The following TUSC3 variants were observed in gnomAD, a reference collection of about 807,000 sequenced individuals.
TUSC3 encodes the protein tumor suppressor candidate 3, also known as dolichyl-diphosphooligosaccharide--protein glycosyltransferase subunit TUSC3.
TUSC3 carries 45 observed loss-of-function variants against 44.8 expected under a neutral mutation model. The ratio of observed to expected loss-of-function variants is 1.00; its 90% confidence interval spans 0.79 to 1.29. TUSC3 has a LOEUF of 1.29. Among genes scored for constraint, TUSC3 ranks in the 50% most tolerant of loss-of-function variants. TUSC3 has a pLI of 0.00. For synonymous variants in TUSC3, 212 were observed against 152.9 expected (o/e 1.39, Z -2.85); for missense variants, 519 against 437.9 (o/e 1.19, Z -1.65).
chr8:15,421,878 TG>T (rs1799742424), intron 1 of TUSC3, among the ~76,000 whole-genome samples: 1 of 152,216 alleles, frequency 6.6e-6, no homozygotes, highest in African/African-American at 2.4e-5. Context: ...TTTCTTAAAA[TG>T]GAATGTAATA....
At chr8:15,428,556 C>A (rs1381324139) in intron 1 of TUSC3, among the ~76,000 whole-genome samples, 4 of 152,186 alleles carry the variant, frequency 2.6e-5, no homozygotes, top group Non-Finnish European at 2.9e-5. Context: ...CCGACTTCCA[C>A]AATGGCTGAA....
chr8:15,496,302 C>T (rs1282424613), intron 2 of TUSC3, among the ~76,000 whole-genome samples: 2 of 152,198 alleles, frequency 1.3e-5, no homozygotes, highest in African/African-American at 2.4e-5. Flanking sequence ...CAATATCTGG[C>T]ACTCCAGTTT....
the TUSC3 span, among the ~76,000 whole-genome samples, chr8:15,823,132 G>T: frequency 6.6e-6 from 1 of 152,014 alleles, no homozygotes; most frequent in African/African-American, 2.4e-5. Context: ...TTTGCTTATG[G>T]TATCAGTCTT....
At position 15,744,350 on chromosome 8, in the gene TUSC3, G is replaced by A. The variant is rs2721221; in HGVS notation, c.937+738G>A. Among the ~76,000 whole-genome samples, 64 of 152,246 alleles carry A rather than the reference G, an allele frequency of 4.2e-4. No individual in the cohort carries two copies. In the East Asian group the frequency reaches 0.011, roughly 27 times the overall value. ...AATGTGCTCTGAGGAGCAAAGGACA[G>A]TCGATTGTTTCCTGCCACAGACCTT... On this transcript the variant is annotated intron_variant, in intron 8 of 10. Coordinates refer to ENST00000503731, the MANE Select transcript of TUSC3 (RefSeq NM_006765.4).
the TUSC3 span, among the ~76,000 whole-genome samples, chr8:15,843,696 A>G: frequency 2.0e-5 from 3 of 151,604 alleles, no homozygotes; most frequent in East Asian, 3.9e-4. Flanking sequence ...GTGTATATCT[A>G]TATCTAAATA....
chr8:15,849,723 A>G, the TUSC3 span, among the ~76,000 whole-genome samples: 1 of 152,116 alleles, frequency 6.6e-6, no homozygotes, highest in African/African-American at 2.4e-5. Flanking sequence ...AGACCAGGGT[A>G]GTGCCTATCA....
intron 9 of TUSC3, among the ~76,000 whole-genome samples, chr8:15,756,269 C>T (rs1034444779): frequency 6.6e-6 from 1 of 151,904 alleles, no homozygotes; most frequent in African/African-American, 2.4e-5. Flanking sequence ...CTCTAGTTAC[C>T]TCTCTCTCTA....
intron 1 of TUSC3, among the ~76,000 whole-genome samples, chr8:15,611,453 C>G (rs1460183192): frequency 6.6e-6 from 1 of 152,164 alleles, no homozygotes; most frequent in Non-Finnish European, 1.5e-5. Flanking sequence ...TCCCAAAGTG[C>G]TGGGATTACA....
chr8:15,460,859 G>A (rs1006147869), intron 1 of TUSC3, among the ~76,000 whole-genome samples: 4 of 152,014 alleles, frequency 2.6e-5, no homozygotes, highest in Non-Finnish European at 5.9e-5. Flanking sequence ...TTTATTTCTG[G>A]GTTCTCTATT....
At chr8:15,792,378 C>T in the TUSC3 span, among the ~76,000 whole-genome samples, 1 of 152,040 alleles carries the variant, frequency 6.6e-6, no homozygotes, top group East Asian at 1.9e-4. Flanking sequence ...TGGCCACTTT[C>T]GAGTGGCAAA....
At chr8:15,673,704 A>G (rs977992470) in intron 5 of TUSC3, 43 bp from the exon 6 acceptor site, 4 of 1,423,704 alleles carry the variant, frequency 2.8e-6, no homozygotes, top group African/African-American at 2.8e-5. Context: ...TTATTCTGGT[A>G]TTCTCTGGTT....
chr8:15,613,692 A>G (rs148325318), intron 1 of TUSC3, among the ~76,000 whole-genome samples: 2 of 152,278 alleles, frequency 1.3e-5, no homozygotes, highest in Non-Finnish European at 2.9e-5. Context: ...AGCAGTGTGA[A>G]AACAGACTAA....
At chr8:15,611,334 C>T (rs1010070875) in intron 1 of TUSC3, among the ~76,000 whole-genome samples, 2 of 152,082 alleles carry the variant, frequency 1.3e-5, no homozygotes, top group African/African-American at 4.8e-5. Context: ...TTACAGGCAC[C>T]TGCCACACAT....
At chr8:15,809,878 C>T in the TUSC3 span, among the ~76,000 whole-genome samples, 3 of 152,170 alleles carry the variant, frequency 2.0e-5, no homozygotes, top group Non-Finnish European at 4.4e-5. Context: ...TCCTACATCC[C>T]TCCTATTTTT....
At chr8:15,737,983 A>G (rs891948218) in intron 7 of TUSC3, among the ~76,000 whole-genome samples, 4 of 152,128 alleles carry the variant, frequency 2.6e-5, no homozygotes, top group Non-Finnish European at 5.9e-5. Context: ...TCTCAACTCA[A>G]CTCCTAAAGG....
intron 8 of TUSC3, among the ~76,000 whole-genome samples, chr8:15,747,428 A>G (rs949841461): frequency 4.0e-5 from 6 of 151,200 alleles, no homozygotes; most frequent in African/African-American, 1.2e-4. Context: ...ACTAATTTCT[A>G]CTTATATATT....
intron 5 of TUSC3, among the ~76,000 whole-genome samples, chr8:15,665,650 T>A (rs1312090779): frequency 6.6e-6 from 1 of 151,244 alleles, no homozygotes; most frequent in East Asian, 1.9e-4. Flanking sequence ...AAGTAATATA[T>A]GCAAATATAT....
At chr8:15,539,456 C>T (rs763912977), upstream of TUSC3, among the ~76,000 whole-genome samples, 10 of 141,760 alleles carry the variant, frequency 7.1e-5, no homozygotes, top group Non-Finnish European at 1.5e-4. Context: ...GGGTTTATGC[C>T]ATTCTCCTGC....
At chr8:15,646,827 A>G (rs1806653906) in intron 2 of TUSC3, among the ~76,000 whole-genome samples, 1 of 152,118 alleles carries the variant, frequency 6.6e-6, no homozygotes, top group South Asian at 2.1e-4. Flanking sequence ...TTCTTGTAAC[A>G]ACATTTTATA....
Sources: allele counts gnomAD v4.1 joint callset (sites outside exome capture counted in the v4.1 genomes callset), GRCh38; gene constraint gnomAD v4.1.1; transcripts MANE v1.5; gene names NCBI Gene and HGNC (gene_info 2026-07-23, HGNC 2026-07-21).